The following ABLIM1 variants were observed in gnomAD, a reference collection of about 807,000 sequenced individuals.
ABLIM1 encodes the protein actin binding LIM protein 1, also known as actin-binding LIM protein 1.
A neutral mutation model predicts 107.0 loss-of-function variants in ABLIM1; 40 were observed. The ratio of observed to expected loss-of-function variants is 0.37; its 90% confidence interval spans 0.29 to 0.49. The LOEUF (loss-of-function observed/expected upper bound fraction) is 0.49, where lower values mean the gene tolerates loss of function less well. Among genes scored for constraint, ABLIM1 ranks in the 20% least tolerant of loss-of-function variants. The probability of loss-of-function intolerance (pLI) is 0.97; values close to 1 mark genes in which losing one functional copy is unlikely to be tolerated. For missense variants in ABLIM1, 857 were observed against 1,008.5 expected (o/e 0.85, Z 2.04); for synonymous variants, 357 against 357.3 (o/e 1.00, Z 0.01).
intron 1 of ABLIM1, among the ~76,000 whole-genome samples, chr10:114,606,676 G>T (rs925616399): frequency 6.6e-6 from 1 of 152,098 alleles, no homozygotes; most frequent in South Asian, 2.1e-4. Context: ...GGAACAACAC[G>T]GTGCTTGATG....
intron 12 of ABLIM1, among the ~76,000 whole-genome samples, chr10:114,461,053 C>G (rs1159806830): frequency 1.3e-5 from 2 of 151,724 alleles, no homozygotes; most frequent in Non-Finnish European, 2.9e-5. Flanking sequence ...TAACCAAAAT[C>G]TTTGTTTTCT....
chr10:114,472,324 G>A (rs1162073369), intron 10 of ABLIM1, among the ~76,000 whole-genome samples: 1 of 152,002 alleles, frequency 6.6e-6, no homozygotes, highest in Non-Finnish European at 1.5e-5. Context: ...CTCCTGGCCT[G>A]AAGCAATCCT....
At chr10:114,474,581 C>T (rs1292055792) in intron 8 of ABLIM1, among the ~76,000 whole-genome samples, 1 of 152,042 alleles carries the variant, frequency 6.6e-6, no homozygotes, top group South Asian at 2.1e-4. Flanking sequence ...AGGGTTTCAC[C>T]GTGTTAGCCA....
intron 1 of ABLIM1, among the ~76,000 whole-genome samples, chr10:114,753,290 G>A (rs895999658): frequency 1.3e-5 from 2 of 152,178 alleles, no homozygotes; most frequent in Non-Finnish European, 2.9e-5. Context: ...ACAGAGGGGC[G>A]TTTGAGGAAT....
intron 1 of ABLIM1, among the ~76,000 whole-genome samples, chr10:114,732,653 T>G (rs2082099906): frequency 6.6e-6 from 1 of 152,228 alleles, no homozygotes; most frequent in African/African-American, 2.4e-5. Flanking sequence ...TAAAGATTTA[T>G]ACCTATGTTT....
intron 16 of ABLIM1, 29 bp downstream of exon 16, chr10:114,445,283 G>T: frequency 6.3e-7 from 1 of 1,585,876 alleles, no homozygotes; most frequent in Non-Finnish European, 8.7e-7. Context: ...TAGCATTGAA[G>T]ACAGCAGCAA....
chr10:114,710,337 G>A (rs962978505), intron 1 of ABLIM1, among the ~76,000 whole-genome samples: 7 of 152,176 alleles, frequency 4.6e-5, no homozygotes, highest in African/African-American at 1.7e-4. Flanking sequence ...CTCACAGTTC[G>A]ATAGGGCTAG....
chr10:114,578,785 C>CTTTT (rs35420465), intron 2 of ABLIM1, among the ~76,000 whole-genome samples: 5 of 111,720 alleles, frequency 4.5e-5, no homozygotes, highest in Non-Finnish European at 6.8e-5. Context: ...TCTTTCTTTT[C>CTTTT]TTTTTTTTTT....
chr10:114,503,655 T>C (rs543543418), intron 6 of ABLIM1, among the ~76,000 whole-genome samples: 1 of 152,304 alleles, frequency 6.6e-6, no homozygotes, highest in East Asian at 1.9e-4. Flanking sequence ...AAAGTGGTTT[T>C]TGCTTTGTAT....
intron 2 of ABLIM1, among the ~76,000 whole-genome samples, chr10:114,590,779 A>ACC (rs1160316893): frequency 6.6e-6 from 1 of 152,086 alleles, no homozygotes; most frequent in Non-Finnish European, 1.5e-5. Context: ...ATTTGAAGGT[A>ACC]CCCCCAAAGG....
At chr10:114,603,921 C>A (rs1427607179) in intron 1 of ABLIM1, among the ~76,000 whole-genome samples, 1 of 149,780 alleles carries the variant, frequency 6.7e-6, no homozygotes, top group Non-Finnish European at 1.5e-5. Context: ...CCATTGCACT[C>A]CAGCCTGGGG....
chr10:114,591,001 T>C (rs1251275706), intron 2 of ABLIM1, among the ~76,000 whole-genome samples: 1 of 152,202 alleles, frequency 6.6e-6, no homozygotes, highest in Non-Finnish European at 1.5e-5. Flanking sequence ...ATGGCCAACA[T>C]AGAGTCAACT....
intron 1 of ABLIM1, among the ~76,000 whole-genome samples, chr10:114,753,036 C>T (rs1001743482): frequency 2.6e-5 from 4 of 152,160 alleles, no homozygotes; most frequent in East Asian, 1.9e-4. Context: ...GTAGATCTCT[C>T]GCTGTCCATC....
chr10:114,579,903 C>A (rs1237097648), intron 2 of ABLIM1, among the ~76,000 whole-genome samples: 4 of 152,126 alleles, frequency 2.6e-5, no homozygotes, highest in African/African-American at 4.8e-5. Context: ...GGGAAGAAGG[C>A]ATGTTCTTTA....
chr10:114,485,395 G>A lies in ABLIM1; in HGVS notation c.1041+2563C>T, dbSNP rs145818804. On this transcript the variant is annotated intron_variant, in intron 8 of 22. Coordinates refer to ENST00000533213, the MANE Select transcript of ABLIM1 (RefSeq NM_002313.7). ...ATGTTTGGCAGCTGCCATGAAACATGAGAAAAGGGAAGAACGAACACAGAA... is the reference window on the plus strand; with the variant it reads ...ATGTTTGGCAGCTGCCATGAAACATAAGAAAAGGGAAGAACGAACACAGAA... 900 of 1,603,718 alleles carry A rather than the reference G, an allele frequency of 5.6e-4. 3 individuals are homozygous for A. In the African/African-American group the frequency reaches 0.011, roughly 20 times the overall value.
chr10:114,463,091 G>A, intron 12 of ABLIM1: 5 of 1,338,368 alleles, frequency 3.7e-6, no homozygotes, highest in Non-Finnish European at 5.0e-6. Flanking sequence ...GGTTGGGGCG[G>A]GAGTCGCTGT....
intron 1 of ABLIM1, among the ~76,000 whole-genome samples, chr10:114,605,670 C>T (rs1271723806): frequency 2.0e-5 from 3 of 152,166 alleles, no homozygotes; most frequent in African/African-American, 7.2e-5. Flanking sequence ...AAACCAAAAG[C>T]ATGGCTGCAC....
chr10:114,738,473 T>C (rs2082226249), intron 1 of ABLIM1, among the ~76,000 whole-genome samples: 1 of 152,128 alleles, frequency 6.6e-6, no homozygotes, highest in Non-Finnish European at 1.5e-5. Context: ...CATGGGAAAA[T>C]GTACAAATGT....
intron 2 of ABLIM1, among the ~76,000 whole-genome samples, chr10:114,598,836 A>T (rs2075710670): frequency 6.7e-6 from 1 of 149,698 alleles, no homozygotes; most frequent in African/African-American, 2.5e-5. Context: ...AGTGGCTTGC[A>T]TTTTTTTTTT....
Sources: gnomAD v4.1 joint callset for allele counts (sites outside exome capture counted in the v4.1 genomes callset) on GRCh38, gnomAD v4.1.1 for gene constraint, MANE v1.5 for transcripts, NCBI Gene and HGNC (gene_info 2026-07-23, HGNC 2026-07-21) for gene names.